The following RMST variants were observed in gnomAD, a reference collection of about 807,000 sequenced individuals.
The protein encoded by RMST is rhabdomyosarcoma 2 associated transcript.
chr12:97,538,297 G>C (rs1405661966), intron 11 of RMST, among the ~76,000 whole-genome samples: 2 of 151,348 alleles, frequency 1.3e-5, no homozygotes, highest in African/African-American at 2.4e-5. Flanking sequence ...TTATTTTCTA[G>C]TGCCCGGTTT....
chr12:97,552,994 C>T (rs1883409043), intron 11 of RMST, among the ~76,000 whole-genome samples: 1 of 152,132 alleles, frequency 6.6e-6, no homozygotes, highest in African/African-American at 2.4e-5. Flanking sequence ...GGTCAGCCTA[C>T]CAGCATTTCA....
chr12:97,496,677 T>C (rs981031062), intron 10 of RMST, among the ~76,000 whole-genome samples: 2 of 152,172 alleles, frequency 1.3e-5, no homozygotes, highest in South Asian at 2.1e-4. Context: ...TTGTGTTGGA[T>C]GTCTTTTTCT....
intron 11 of RMST, among the ~76,000 whole-genome samples, chr12:97,560,105 TAATAATTATCCCTCTAATTTTCCAGAA>T: frequency 6.6e-6 from 1 of 152,164 alleles, no homozygotes; most frequent in Non-Finnish European, 1.5e-5. Context: ...CATGAAGACT[TAATAATTATCCCTCTAATTTTCCAGAA>T]AAAAAAGTTG....
chr12:97,491,908 T>C (rs1593170466), intron 5 of RMST: 2 of 532,746 alleles, frequency 3.8e-6, no homozygotes, highest in South Asian at 2.8e-5. Flanking sequence ...GGGTCAGCTA[T>C]GTGGACTCTA....
At chr12:97,507,726 T>C (rs185092626) in intron 10 of RMST, among the ~76,000 whole-genome samples, 13 of 152,212 alleles carry the variant, frequency 8.5e-5, no homozygotes. Flanking sequence ...GAGTGTTTCA[T>C]TCTTATTTTG....
At chr12:97,558,720 A>G (rs535603794) in intron 11 of RMST, among the ~76,000 whole-genome samples, 1 of 152,252 alleles carries the variant, frequency 6.6e-6, no homozygotes, top group South Asian at 2.1e-4. Context: ...TTTCACTCTT[A>G]TAGTGATGCC....
chr12:97,504,281 G>T (rs1273363061), intron 10 of RMST, among the ~76,000 whole-genome samples: 1 of 151,946 alleles, frequency 6.6e-6, no homozygotes, highest in East Asian at 1.9e-4. Context: ...GCACACGCCT[G>T]TAGTCGCAGA....
chr12:97,496,560 T>C (rs779440194), intron 10 of RMST, among the ~76,000 whole-genome samples: 5 of 152,220 alleles, frequency 3.3e-5, no homozygotes, highest in Non-Finnish European at 7.3e-5. Flanking sequence ...AAGTGGTAAG[T>C]ATAAACCTCC....
At chr12:97,539,763 T>C (rs1294245692) in intron 11 of RMST, among the ~76,000 whole-genome samples, 1 of 151,616 alleles carries the variant, frequency 6.6e-6, no homozygotes, top group Non-Finnish European at 1.5e-5. Context: ...GAACCAGGGT[T>C]ATGAAATTTT....
At chr12:97,531,596 C>T (rs1031017513) in intron 11 of RMST, among the ~76,000 whole-genome samples, 2 of 151,922 alleles carry the variant, frequency 1.3e-5, no homozygotes, top group Non-Finnish European at 2.9e-5. Context: ...TGTGGCTGTG[C>T]ACTTAATCTA....
intron 10 of RMST, among the ~76,000 whole-genome samples, chr12:97,503,285 T>C (rs962096151): frequency 1.3e-5 from 2 of 152,288 alleles, no homozygotes; most frequent in African/African-American, 2.4e-5. Context: ...CACACCTAAA[T>C]AGCATTTAAT....
At chr12:97,522,278 A>G (rs1412437623) in intron 10 of RMST, among the ~76,000 whole-genome samples, 1 of 152,198 alleles carries the variant, frequency 6.6e-6, no homozygotes, top group African/African-American at 2.4e-5. Flanking sequence ...TCTGACCTAT[A>G]TTCATTCTTA....
chr12:97,529,622 G>A (rs192145435), intron 10 of RMST, among the ~76,000 whole-genome samples: 33 of 151,988 alleles, frequency 2.2e-4, no homozygotes, highest in African/African-American at 2.7e-4. Flanking sequence ...AGACATTTTC[G>A]TGGTAATTCT....
chr12:97,482,744 T>TTATTTATTAAA, intron 5 of RMST, among the ~76,000 whole-genome samples: 1 of 142,196 alleles, frequency 7.0e-6, no homozygotes, highest in African/African-American at 2.6e-5. Flanking sequence ...TTTATATTAT[T>TTATTTATTAAA]TATTTATTAA....
intron 5 of RMST, among the ~76,000 whole-genome samples, chr12:97,486,103 T>C (rs750365040): frequency 6.6e-6 from 1 of 152,176 alleles, no homozygotes; most frequent in Non-Finnish European, 1.5e-5. Flanking sequence ...GTAATAGTCT[T>C]TTACCATAGG....
intron 5 of RMST, among the ~76,000 whole-genome samples, chr12:97,487,543 G>A (rs1158246183): frequency 6.6e-6 from 1 of 152,158 alleles, no homozygotes; most frequent in Non-Finnish European, 1.5e-5. Context: ...TGGACCTCAA[G>A]CAGCTGGGGT....
At chr12:97,518,529 C>T (rs1045008177) in intron 10 of RMST, among the ~76,000 whole-genome samples, 2 of 152,052 alleles carry the variant, frequency 1.3e-5, no homozygotes, top group African/African-American at 4.8e-5. Flanking sequence ...ATGCAATTTC[C>T]AGGTCTCATC....
At chr12:97,523,495 A>G (rs1413660555) in intron 10 of RMST, among the ~76,000 whole-genome samples, 1 of 152,232 alleles carries the variant, frequency 6.6e-6, no homozygotes, top group Non-Finnish European at 1.5e-5. Flanking sequence ...CCTCAAAGAA[A>G]TGACAGAGGT....
intron 10 of RMST, among the ~76,000 whole-genome samples, chr12:97,520,383 G>A (rs1371603757): frequency 6.6e-6 from 1 of 152,138 alleles, no homozygotes; most frequent in Non-Finnish European, 1.5e-5. Flanking sequence ...CTGAGCCTCA[G>A]CTGGATTTTT....
Sources: allele counts gnomAD v4.1 joint callset (sites outside exome capture counted in the v4.1 genomes callset), GRCh38; gene constraint gnomAD v4.1.1; transcripts MANE v1.5; gene names NCBI Gene and HGNC (gene_info 2026-07-23, HGNC 2026-07-21).